MAP9: variants seen among roughly 807,000 people sequenced by gnomAD.
The protein encoded by MAP9 is microtubule associated protein 9.
MAP9 carries 80 observed loss-of-function variants against 75.2 expected under a neutral mutation model. The observed-to-expected ratio is 1.06, with a 90% CI of 0.89 to 1.28. MAP9 has a LOEUF of 1.28. Ranked by LOEUF, MAP9 falls within the 50% of genes most tolerant of loss-of-function variation. MAP9 has a pLI of 0.00. For synonymous variants in MAP9, 235 were observed against 237.3 expected (o/e 0.99, Z 0.09); for missense variants, 753 against 719.9 (o/e 1.05, Z -0.53).
rs772082576 is a variant in MAP9, at chr4:155,355,884, T to C, written c.1122A>G (p.Arg374=). 1.7e-5 allele frequency: 28 copies of C among 1,609,146 alleles called. No individual in the cohort carries two copies. Among genetic ancestry groups the C allele is most frequent in the Non-Finnish European group, 2.3e-5 (27 of 1,177,548 alleles). ...TNNRASSASA[R]LMTSEFLKKS... The stretch of plus-strand genomic sequence containing the variant: ...TCTTCAAAAACTCAGAGGTCATTAA[T>C]CTGAAAAGATCCAAATGAATCAAGA... The change falls in exon 9 of 14, where the codon AGA becomes AGG. Residue 374 remains arginine (R), a splice_region_variant and synonymous_variant. Transcript: ENST00000311277.
rs887828729 is a variant in MAP9, at chr4:155,362,199, G to A, written c.709-58C>T. The A allele has an allele frequency of 6.7e-5, 67 of 998,722 alleles. No homozygotes were observed. In the African/African-American group the frequency reaches 1.0e-3, roughly 15 times the overall value. 61.9% of individuals were successfully genotyped at this position (998,722 alleles called of 1,614,324 possible). On this transcript the variant is annotated intron_variant, in intron 5 of 13. Coordinates refer to ENST00000311277, the MANE Select transcript of MAP9 (RefSeq NM_001039580.2). ...TAAGTTTAATAATTAACATTTATGG[G>A]AACAATAGCATTATTAAAACTACAA...
At chr4:155,369,537 C>A (rs1283956528) in intron 4 of MAP9, among the ~76,000 whole-genome samples, 1 of 152,132 alleles carries the variant, frequency 6.6e-6, no homozygotes, top group African/African-American at 2.4e-5. Context: ...GCTCATCCAT[C>A]AAGCCTTTGA....
At position 155,352,574 on chromosome 4, in the gene MAP9, T is replaced by A. The variant is rs775340324; in HGVS notation, c.1821+22A>T. 1.9e-6 allele frequency: 3 copies of A among 1,567,884 alleles called. No homozygotes were observed. The Admixed American group carries it at 5.6e-5, about 29-fold the overall frequency. On this transcript the variant is annotated intron_variant, in intron 13 of 13. Transcript: ENST00000311277. ...AAAAGGTACATGAAAAAGACGAAAG[T>A]GCATTGACAAATAATACCTACCAGC...
At chr4:155,374,856 G>T in intron 3 of MAP9, 81 bp downstream of exon 3, 1 of 770,916 alleles carries the variant, frequency 1.3e-6, no homozygotes, top group South Asian at 2.7e-5. Flanking sequence ...TGAGGGGATG[G>T]GTGGTTGGGG....
In MAP9 at chr4:155,344,556, T is replaced by G. The variant is rs1731217300; in HGVS notation, c.*3227A>C. The G allele has an allele frequency of 6.6e-6, 1 of 152,014 alleles. No homozygotes were observed. The highest frequency in any genetic ancestry group is 6.6e-5 in the Admixed American group (1 of 15,248). The allele number at this position is 152,014 out of a possible 1,614,324, so 9.4% of individuals were successfully genotyped here. On this transcript the variant is annotated 3_prime_UTR_variant, in exon 14 of 14. Coordinates refer to ENST00000311277, the MANE Select transcript of MAP9 (RefSeq NM_001039580.2). ...CATAAGACTGTGGATACCTATCTAC[T>G]GTCAGGTACTGCTTTGGCAGCAGTG...
At chr4:155,357,757 G>C (rs1578842575) in intron 7 of MAP9, among the ~76,000 whole-genome samples, 1 of 152,132 alleles carries the variant, frequency 6.6e-6, no homozygotes, top group Non-Finnish European at 1.5e-5. Context: ...ATAGTGTGCA[G>C]TGACAGAGAA....
At chr4:155,363,895 G>T (rs2111249714) in intron 5 of MAP9, among the ~76,000 whole-genome samples, 1 of 152,172 alleles carries the variant, frequency 6.6e-6, no homozygotes, top group East Asian at 1.9e-4. Context: ...CAATGCATGT[G>T]TAACTACAGT....
intron 13 of MAP9, among the ~76,000 whole-genome samples, chr4:155,348,610 C>T (rs984744462): frequency 2.9e-4 from 44 of 152,056 alleles, no homozygotes; most frequent in African/African-American, 1.0e-3. Flanking sequence ...AAATTTTTTA[C>T]AAATAGTTAA....
chr4:155,356,031 T>G, intron 8 of MAP9, 147 bp from the exon 9 acceptor site: 2 of 697,138 alleles, frequency 2.9e-6, no homozygotes, highest in East Asian at 5.5e-5. Flanking sequence ...AAGGCCAAAG[T>G]GGGTGGATGA....
Position 155,353,265 on chromosome 4 carries a change from T to G in MAP9, c.1456A>C (p.Lys486Gln). ...WKAMKEKEAK[K>Q]IAAKKRLEEK... is the part of the protein sequence containing the mutation. The stretch of plus-strand genomic sequence containing the variant: ...TCAAGCCTCTTTTTGGCAGCTATTT[T>G]CTTTGCTTCCTTTTCTTTCATAGCC... Residue 486 changes from lysine to glutamine, a missense_variant, in exon 11 of 14, where the codon AAA becomes CAA. Physicochemically the swap from Lys to Gln is moderately conservative, Grantham distance 53 (BLOSUM62 1). Coordinates refer to ENST00000311277, the MANE Select transcript of MAP9 (RefSeq NM_001039580.2). The G allele has an allele frequency of 1.2e-6, 2 of 1,609,470 alleles. No individual in the cohort carries two copies. Among genetic ancestry groups the G allele is most frequent in the South Asian group, 2.2e-5 (2 of 89,910 alleles).
rs1560796521 is a variant in MAP9, at chr4:155,344,232, AGTG to A, written c.*3548_*3550del. ...TCTGGTGGACAGTTATGAAGGCAGCAGTGGAGGAGTAAGGAGATAAATAAGAGG... is the reference window on the plus strand; with the variant it reads ...TCTGGTGGACAGTTATGAAGGCAGCAGAGGAGTAAGGAGATAAATAAGAGG... On this transcript the variant is annotated 3_prime_UTR_variant, in exon 14 of 14. Coordinates refer to ENST00000311277, the MANE Select transcript of MAP9 (RefSeq NM_001039580.2). 6.6e-6 allele frequency: 1 copy of A among 151,974 alleles called. No individual in the cohort carries two copies. Among genetic ancestry groups the A allele is most frequent in the Non-Finnish European group, 1.5e-5 (1 of 67,878 alleles). 9.4% of individuals were successfully genotyped at this position (151,974 alleles called of 1,614,324 possible).
Position 155,347,424 on chromosome 4 carries a change from T to C in MAP9, c.*359A>G, listed in dbSNP as rs1045384601. ...ACAAAAGGAATAATTTCTATCATTATGGTACCTAGATGATTTCCTTTTTAT... is the reference window on the plus strand; with the variant it reads ...ACAAAAGGAATAATTTCTATCATTACGGTACCTAGATGATTTCCTTTTTAT... On this transcript the variant is annotated 3_prime_UTR_variant, in exon 14 of 14. Transcript: ENST00000311277. The C allele has an allele frequency of 6.1e-6, 1 of 163,402 alleles. No homozygotes were observed. Among genetic ancestry groups the C allele is most frequent in the African/African-American group, 2.4e-5 (1 of 41,938 alleles). 10.1% of individuals were successfully genotyped at this position (163,402 alleles called of 1,614,324 possible).
At chr4:155,372,383 T>C (rs1485190299) in intron 4 of MAP9, among the ~76,000 whole-genome samples, 2 of 152,254 alleles carry the variant, frequency 1.3e-5, no homozygotes, top group Non-Finnish European at 2.9e-5. Context: ...AAACAAAAAA[T>C]CCTTAACCTT....
intron 7 of MAP9, among the ~76,000 whole-genome samples, chr4:155,359,210 T>TACACAC (rs56261222): frequency 0.056 from 8,172 of 145,472 alleles, 249 homozygotes; most frequent in African/African-American, 0.083. Context: ...AAAATGTGTA[T>TACACAC]ACACACACAC....
Position 155,374,936 on chromosome 4 carries a change from C to G in MAP9, c.160+1G>C. On this transcript the variant is annotated splice_donor_variant, in intron 3 of 13. Transcript: ENST00000311277. LOFTEE classifies it high-confidence loss of function. ...GTTCACGTTTCCATACTGTCACATA[C>G]CAATCTCATCACTGTCAAAGTCATC... 1 of 1,571,968 alleles carries G rather than the reference C, an allele frequency of 6.4e-7. No homozygotes were observed. Among genetic ancestry groups the G allele is most frequent in the Non-Finnish European group, 8.7e-7 (1 of 1,149,038 alleles).
intron 8 of MAP9, 140 bp from the exon 9 acceptor site, chr4:155,356,024 G>GCCTT: frequency 2.7e-6 from 2 of 728,190 alleles, no homozygotes; most frequent in Non-Finnish European, 4.4e-6. Flanking sequence ...ACTTTGGAAG[G>GCCTT]CCAAAGTGGG....
rs187130851 is a variant in MAP9, at chr4:155,375,754, A to G, written c.75+22T>C. 4,271 of 1,496,584 alleles carry G rather than the reference A, an allele frequency of 2.9e-3. 9 individuals carry two copies. The highest frequency in any genetic ancestry group is 3.3e-3 in the Non-Finnish European group (3,546 of 1,075,446). The allele number at this position is 1,496,584 out of a possible 1,614,324, so 92.7% of individuals were successfully genotyped here. A position where few individuals can be genotyped will look rare whatever the true frequency, so the allele number is the denominator to read the frequency against. On this transcript the variant is annotated intron_variant, in intron 2 of 13. Transcript: ENST00000311277. ...AATACAGTGTTTACACTGTGAAATG[A>G]TTCCAAATAAAAATACTTTACCTGG... is the stretch of plus-strand genomic sequence containing the variant.
chr4:155,356,767 G>C (rs757537099), intron 8 of MAP9, among the ~76,000 whole-genome samples: 6 of 152,100 alleles, frequency 3.9e-5, no homozygotes, highest in Non-Finnish European at 8.8e-5. Flanking sequence ...AATACAGACT[G>C]TATCGCCTAC....
intron 12 of MAP9, 53 bp downstream of exon 12, chr4:155,352,859 T>G: frequency 1.4e-6 from 2 of 1,443,846 alleles, no homozygotes. Flanking sequence ...TATAAAATCC[T>G]GAAGTGTTAC....
Sources: allele counts gnomAD v4.1 joint callset (sites outside exome capture counted in the v4.1 genomes callset), GRCh38; gene constraint gnomAD v4.1.1; transcripts MANE v1.5; gene names NCBI Gene and HGNC (gene_info 2026-07-23, HGNC 2026-07-21).